Variants in TCF12 observed in about 807,000 individuals in gnomAD.
The protein encoded by TCF12 is DNA-binding protein HTF4.
A neutral mutation model predicts 86.0 loss-of-function variants in TCF12; 45 were observed. The observed-to-expected ratio is 0.52, with a 90% CI of 0.41 to 0.67. The LOEUF is 0.67. Among genes scored for constraint, TCF12 ranks in the 30% least tolerant of loss-of-function variants. The pLI is 0.00. For synonymous variants in TCF12, 330 were observed against 299.6 expected (o/e 1.10, Z -1.05); for missense variants, 881 against 859.9 (o/e 1.02, Z -0.31).
chr15:57,182,266 T>G (rs1288539925), intron 6 of TCF12, among the ~76,000 whole-genome samples: 4 of 152,146 alleles, frequency 2.6e-5, no homozygotes, highest in African/African-American at 9.6e-5. Flanking sequence ...TGATGTGTGT[T>G]TCAGTGTTGC....
intron 13 of TCF12, among the ~76,000 whole-genome samples, chr15:57,249,468 A>G (rs569108553): frequency 4.5e-4 from 68 of 152,216 alleles, no homozygotes; most frequent in Non-Finnish European, 4.1e-4. Context: ...TTTAGTATTT[A>G]AAGTATATTT....
intron 16 of TCF12, among the ~76,000 whole-genome samples, chr15:57,260,881 C>G (rs188887795): frequency 2.0e-3 from 300 of 152,250 alleles, no homozygotes; most frequent in African/African-American, 6.6e-3. Flanking sequence ...AATTTGTTCT[C>G]TTGAATACAA....
chr15:57,154,420 C>A (rs1161777028), intron 5 of TCF12, among the ~76,000 whole-genome samples: 1 of 152,150 alleles, frequency 6.6e-6, no homozygotes, highest in African/African-American at 2.4e-5. Flanking sequence ...CAAGGTGCTC[C>A]CCTAAAACCA....
intron 5 of TCF12, among the ~76,000 whole-genome samples, chr15:57,098,325 C>G (rs1448717785): frequency 1.3e-4 from 20 of 152,158 alleles, no homozygotes; most frequent in Admixed American, 1.2e-3. Flanking sequence ...TTTGTTTCAT[C>G]TGCTGCCTTT....
intron 4 of TCF12, among the ~76,000 whole-genome samples, chr15:57,078,021 T>C (rs2070285689): frequency 1.3e-5 from 2 of 152,200 alleles, no homozygotes; most frequent in South Asian, 2.1e-4. Context: ...AATGCATGGA[T>C]ATTCTTAACA....
intron 5 of TCF12, among the ~76,000 whole-genome samples, chr15:57,135,769 T>G (rs1399933400): frequency 2.0e-5 from 3 of 152,188 alleles, no homozygotes; most frequent in African/African-American, 7.2e-5. Flanking sequence ...TGTATCCCTG[T>G]GAAAGTTACT....
intron 8 of TCF12, among the ~76,000 whole-genome samples, chr15:57,220,749 G>T (rs1171296571): frequency 6.6e-6 from 1 of 151,686 alleles, no homozygotes; most frequent in African/African-American, 2.4e-5. Context: ...ATCTTTGTAA[G>T]ATACTTGATA....
At chr15:57,128,276 T>C (rs758819846) in intron 5 of TCF12, among the ~76,000 whole-genome samples, 1 of 152,200 alleles carries the variant, frequency 6.6e-6, no homozygotes, top group Non-Finnish European at 1.5e-5. Flanking sequence ...AACAGGTAGC[T>C]TTATTAAGCT....
At chr15:57,176,758 C>G (rs555209790) in intron 6 of TCF12, among the ~76,000 whole-genome samples, 1 of 152,066 alleles carries the variant, frequency 6.6e-6, no homozygotes, top group African/African-American at 2.4e-5. Flanking sequence ...AACTTTGTGA[C>G]TGGAAAAAAG....
intron 5 of TCF12, chr15:57,118,204 A>T (rs956109370): frequency 2.0e-5 from 3 of 152,258 alleles, no homozygotes; most frequent in African/African-American, 4.8e-5. Flanking sequence ...GTCCCCTGGC[A>T]GTGATATACA....
chr15:57,288,900 C>A lies in TCF12; in HGVS notation c.*2755C>A, dbSNP rs2062016518. ...AAAGCACTTTTCACATTTCCCCATACCCTTTCTCACAAAAAAAGTGTCATA... is the reference window on the plus strand; with the variant it reads ...AAAGCACTTTTCACATTTCCCCATAACCTTTCTCACAAAAAAAGTGTCATA... On this transcript the variant is annotated 3_prime_UTR_variant, in exon 21 of 21. Transcript: ENST00000333725. 6.6e-6 allele frequency: 1 copy of A among 152,092 alleles called. No homozygotes were observed. The highest frequency in any genetic ancestry group is 2.4e-5 in the African/African-American group (1 of 41,400). 9.4% of individuals were successfully genotyped at this position (152,092 alleles called of 1,614,324 possible). A position where few individuals can be genotyped will look rare whatever the true frequency, so the allele number is the denominator to read the frequency against.
At chr15:56,958,082 A>T (rs7162421) in intron 3 of TCF12, among the ~76,000 whole-genome samples, 7,490 of 152,212 alleles carry the variant, frequency 0.049, 381 homozygotes, top group African/African-American at 0.13. Context: ...TTCAGTCTCT[A>T]GCTTCAGGTA....
intron 3 of TCF12, among the ~76,000 whole-genome samples, chr15:57,018,604 A>G (rs1476636508): frequency 2.6e-5 from 4 of 151,922 alleles, no homozygotes; most frequent in Admixed American, 6.6e-5. Flanking sequence ...CTGGGACTAC[A>G]TGCACGTGCC....
At chr15:57,243,943 G>A (rs905490560) in intron 13 of TCF12, among the ~76,000 whole-genome samples, 1 of 151,828 alleles carries the variant, frequency 6.6e-6, no homozygotes, top group African/African-American at 2.4e-5. Context: ...TAGTGGTATG[G>A]TCTTGGCCCA....
At chr15:57,163,060 G>T (rs1453276144) in intron 5 of TCF12, among the ~76,000 whole-genome samples, 1 of 152,048 alleles carries the variant, frequency 6.6e-6, no homozygotes, top group Admixed American at 6.6e-5. Context: ...TGTAGTCCCA[G>T]CTACTTGGGA....
chr15:57,075,831 TCTC>T (rs1315491185), intron 4 of TCF12, among the ~76,000 whole-genome samples: 2 of 48,300 alleles, frequency 4.1e-5, no homozygotes, highest in African/African-American at 1.9e-4. Flanking sequence ...TCTCTCTCTC[TCTC>T]TTTTCTTTCT....
rs541679960 is a variant in TCF12 at position 57,139,216 on chromosome 15, C to T, written c.326-27186C>T. 1.1e-4 allele frequency among the ~76,000 whole-genome samples: 16 copies of T among 152,220 alleles called. No homozygotes were observed. In the South Asian group the frequency reaches 1.2e-3, roughly 12 times the overall value. ...CTCCAATATCCTTTCCTCTTGCTCT[C>T]GTAATCTCTGTCCCCTTACTTTCCT... is the stretch of plus-strand genomic sequence containing the variant. On this transcript the variant is annotated intron_variant, in intron 5 of 20. Coordinates refer to ENST00000333725, the MANE Select transcript of TCF12 (RefSeq NM_207037.2).
At chr15:57,272,783 AT>A (rs1459818008) in intron 18 of TCF12, among the ~76,000 whole-genome samples, 2 of 152,362 alleles carry the variant, frequency 1.3e-5, no homozygotes, top group South Asian at 4.1e-4. Context: ...AGAAATCTTT[AT>A]GCTATAATGT....
At chr15:57,075,800 T>TC (rs1567370475) in intron 4 of TCF12, among the ~76,000 whole-genome samples, 27 of 20,492 alleles carry the variant, frequency 1.3e-3, no homozygotes, top group Non-Finnish European at 2.1e-3. Flanking sequence ...CTTTCTTTCT[T>TC]TCTTTCTCTC....
Sources: allele counts gnomAD v4.1 joint callset (sites outside exome capture counted in the v4.1 genomes callset), GRCh38; gene constraint gnomAD v4.1.1; transcripts MANE v1.5; gene names NCBI Gene and HGNC (gene_info 2026-07-23, HGNC 2026-07-21).